PRKD1: variants seen among roughly 807,000 people sequenced by gnomAD.
PRKD1 encodes the protein protein kinase D1.
PRKD1 carries 63 observed loss-of-function variants against 95.9 expected under a neutral mutation model. The ratio of observed to expected loss-of-function variants is 0.66; its 90% CI spans 0.54 to 0.81. The LOEUF is 0.81. PRKD1 is among the 30% of genes least tolerant of loss of function. The probability of loss-of-function intolerance (pLI) is 0.00; values close to 1 mark genes in which losing one functional copy is unlikely to be tolerated. For missense variants in PRKD1, 1,048 were observed against 1,165.3 expected (o/e 0.90, Z 1.47); for synonymous variants, 425 against 423.1 (o/e 1.00, Z -0.05).
At chr14:29,913,626 T>G (rs1222733759) in intron 1 of PRKD1, among the ~76,000 whole-genome samples, 1 of 152,148 alleles carries the variant, frequency 6.6e-6, no homozygotes, top group Non-Finnish European at 1.5e-5. Flanking sequence ...ATGTAAATAT[T>G]GTTAAGATCT....
In PRKD1 at chr14:29,882,174, T is replaced by G. The variant is rs558890486; in HGVS notation, c.264+45075A>C. On this transcript the variant is annotated intron_variant, in intron 1 of 17. Transcript: ENST00000331968. ...AACCATAAAAACAAAGCATTTCTGC[T>G]AAATACATATTTGAATATTGTGATT... Among the ~76,000 whole-genome samples, 168 of 152,370 alleles carry G rather than the reference T, an allele frequency of 1.1e-3. 1 individual carries two copies. Among genetic ancestry groups the G allele is most frequent in the African/African-American group, 3.9e-3 (164 of 41,596 alleles).
At chr14:29,620,243 C>A (rs1481650011) in intron 13 of PRKD1, among the ~76,000 whole-genome samples, 6 of 151,398 alleles carry the variant, frequency 4.0e-5, no homozygotes, top group Non-Finnish European at 5.9e-5. Flanking sequence ...CTAGGCATTA[C>A]CATTCAGGAC....
chr14:29,676,486 C>A (rs1303094999), intron 2 of PRKD1, among the ~76,000 whole-genome samples: 1 of 152,114 alleles, frequency 6.6e-6, no homozygotes, highest in Non-Finnish European at 1.5e-5. Flanking sequence ...TCCCGAATAG[C>A]TGGGTTTACA....
At chr14:29,609,711 T>TTTC (rs199522397) in intron 13 of PRKD1, among the ~76,000 whole-genome samples, 5,871 of 30,932 alleles carry the variant, frequency 0.19, 334 homozygotes, top group African/African-American at 0.26. Context: ...CAGCTATTTC[T>TTTC]TTATTTTTTT....
intron 1 of PRKD1, among the ~76,000 whole-genome samples, chr14:29,790,298 C>T (rs1889483195): frequency 6.6e-6 from 1 of 152,064 alleles, no homozygotes; most frequent in Non-Finnish European, 1.5e-5. Flanking sequence ...TATGGGATTA[C>T]AAGTGTGAGC....
intron 1 of PRKD1, among the ~76,000 whole-genome samples, chr14:29,773,330 C>T (rs547225715): frequency 3.3e-5 from 5 of 151,918 alleles, no homozygotes; most frequent in East Asian, 1.9e-4. Context: ...CATGGTGGCA[C>T]GTGCCGGTAA....
intron 1 of PRKD1, among the ~76,000 whole-genome samples, chr14:29,917,826 G>A (rs995095745): frequency 5.9e-5 from 9 of 151,994 alleles, no homozygotes; most frequent in Admixed American, 4.6e-4. Context: ...AAAACATAAC[G>A]CAATAGGATC....
intron 8 of PRKD1, among the ~76,000 whole-genome samples, 180 bp from the exon 9 acceptor site, chr14:29,633,126 C>G (rs1160617984): frequency 2.0e-5 from 3 of 152,098 alleles, no homozygotes; most frequent in African/African-American, 7.2e-5. Flanking sequence ...TAGCACATGT[C>G]TGATAAGTAT....
At chr14:29,870,504 C>G (rs1209401822) in intron 1 of PRKD1, among the ~76,000 whole-genome samples, 2 of 152,166 alleles carry the variant, frequency 1.3e-5, no homozygotes, top group Non-Finnish European at 2.9e-5. Flanking sequence ...AAACACCCAA[C>G]AGATTGCTGC....
intron 1 of PRKD1, among the ~76,000 whole-genome samples, chr14:29,863,771 G>A (rs1476576518): frequency 6.6e-6 from 1 of 152,044 alleles, no homozygotes; most frequent in African/African-American, 2.4e-5. Flanking sequence ...TCTTTTTCAG[G>A]TTTGGATAAT....
chr14:29,749,714 A>G (rs1481996073), intron 1 of PRKD1, among the ~76,000 whole-genome samples: 2 of 152,294 alleles, frequency 1.3e-5, no homozygotes, highest in Middle Eastern at 3.4e-3. Context: ...GTCACAGTAA[A>G]GTTTAATAAG....
At chr14:29,736,536 T>A (rs1366417332) in intron 1 of PRKD1, among the ~76,000 whole-genome samples, 1 of 152,152 alleles carries the variant, frequency 6.6e-6, no homozygotes, top group Non-Finnish European at 1.5e-5. Context: ...TCAGAAAGGC[T>A]CAGAGGCTTG....
chr14:29,855,445 C>T (rs548300112), intron 1 of PRKD1, among the ~76,000 whole-genome samples: 2 of 152,252 alleles, frequency 1.3e-5, no homozygotes, highest in African/African-American at 4.8e-5. Context: ...CAATTTCTCC[C>T]ATGTGGAAGA....
intron 1 of PRKD1, among the ~76,000 whole-genome samples, chr14:29,734,273 C>T (rs1317093831): frequency 6.6e-6 from 1 of 151,982 alleles, no homozygotes; most frequent in Non-Finnish European, 1.5e-5. Flanking sequence ...AACTCCTGAC[C>T]TCATGATCCA....
At position 29,911,728 on chromosome 14, in the gene PRKD1, T is replaced by C. The variant is rs560470234; in HGVS notation, c.264+15521A>G. On this transcript the variant is annotated intron_variant, in intron 1 of 17. Coordinates refer to ENST00000331968, the MANE Select transcript of PRKD1 (RefSeq NM_002742.3). ...GTTCCTGTAACAATTTACCATAAAC[T>C]TAGTGGCTTTACTAAACAAAAATTT... 1.5e-4 allele frequency among the ~76,000 whole-genome samples: 23 copies of C among 152,356 alleles called. No individual in the cohort carries two copies. In the East Asian group the frequency reaches 3.9e-3, roughly 26 times the overall value.
intron 1 of PRKD1, among the ~76,000 whole-genome samples, chr14:29,885,178 G>T (rs74911837): frequency 0.021 from 3,134 of 151,782 alleles, 54 homozygotes; most frequent in East Asian, 0.06. Flanking sequence ...TTGAGCTCAG[G>T]GATTGCGTGG....
rs115722418 is a variant in PRKD1 at position 29,644,065 on chromosome 14, T to C, written c.697-5161A>G. ...GTGACAAACAGTAAGCAGTTTCACC[T>C]GAGATAAGTGTATGTTTTCAAGAAG... On this transcript the variant is annotated intron_variant, in intron 4 of 17. Transcript: ENST00000331968. Among the ~76,000 whole-genome samples, 572 of 152,290 alleles carry C rather than the reference T, an allele frequency of 3.8e-3. 3 individuals carry two copies. The highest frequency in any genetic ancestry group is 0.013 in the African/African-American group (536 of 41,570).
chr14:29,642,337 G>A (rs1450180994), intron 4 of PRKD1, among the ~76,000 whole-genome samples: 1 of 152,152 alleles, frequency 6.6e-6, no homozygotes, highest in Non-Finnish European at 1.5e-5. Context: ...ATTATTATGT[G>A]AAGTTTTATG....
chr14:29,909,657 G>T (rs1030627539), intron 1 of PRKD1, among the ~76,000 whole-genome samples: 1 of 151,978 alleles, frequency 6.6e-6, no homozygotes, highest in African/African-American at 2.4e-5. Context: ...ACACCAGTCA[G>T]CACTCTGTGT....
Sources: gnomAD v4.1 joint callset for allele counts (sites outside exome capture counted in the v4.1 genomes callset) on GRCh38, gnomAD v4.1.1 for gene constraint, MANE v1.5 for transcripts, NCBI Gene and HGNC (gene_info 2026-07-23, HGNC 2026-07-21) for gene names.